SGCZ: variants seen among roughly 807,000 people sequenced by gnomAD.
SGCZ encodes sarcoglycan zeta.
Under a neutral mutation model 41.3 loss-of-function variants are expected in SGCZ, and 40 were observed. The ratio of observed to expected loss-of-function variants is 0.97; its 90% confidence interval spans 0.75 to 1.26. The LOEUF (loss-of-function observed/expected upper bound fraction) is 1.26, where lower values mean the gene tolerates loss of function less well. Ranked by LOEUF, SGCZ falls within the 50% of genes most tolerant of loss-of-function variation. The pLI is 0.00. For synonymous variants in SGCZ, 206 were observed against 137.5 expected (o/e 1.50, Z -3.49); for missense variants, 552 against 369.8 (o/e 1.49, Z -4.04).
chr8:14,530,653 G>T (rs1314206349), intron 2 of SGCZ, among the ~76,000 whole-genome samples: 6 of 149,932 alleles, frequency 4.0e-5, no homozygotes, highest in Non-Finnish European at 3.0e-5. Flanking sequence ...CCAGTTAAAT[G>T]ACTTCAGAAC....
chr8:15,064,573 G>T (rs1805055442), intron 1 of SGCZ, among the ~76,000 whole-genome samples: 1 of 148,464 alleles, frequency 6.7e-6, no homozygotes, highest in African/African-American at 2.5e-5. Context: ...CTGAGTTTCA[G>T]TGGAAGAACT....
intron 1 of SGCZ, among the ~76,000 whole-genome samples, chr8:14,637,513 T>C (rs977065452): frequency 6.6e-6 from 1 of 151,766 alleles, no homozygotes; most frequent in Non-Finnish European, 1.5e-5. Context: ...ATTGTTCCCA[T>C]CTTTACATCC....
chr8:14,713,844 A>G (rs1207422863), intron 1 of SGCZ, among the ~76,000 whole-genome samples: 1 of 152,146 alleles, frequency 6.6e-6, no homozygotes, highest in African/African-American at 2.4e-5. Context: ...AAAATAAAAC[A>G]TCCCTGACTT....
At chr8:14,112,559 C>G (rs1254541117) in intron 5 of SGCZ, among the ~76,000 whole-genome samples, 1 of 151,884 alleles carries the variant, frequency 6.6e-6, no homozygotes, top group Non-Finnish European at 1.5e-5. Context: ...GTCTTCCTAC[C>G]TTACTTTCTT....
At chr8:14,991,890 C>T (rs1225377510) in intron 1 of SGCZ, among the ~76,000 whole-genome samples, 1 of 151,658 alleles carries the variant, frequency 6.6e-6, no homozygotes, top group African/African-American at 2.4e-5. Context: ...TACCTCTCAT[C>T]CAATCTACTC....
chr8:14,670,062 T>C (rs1240043568), intron 1 of SGCZ, among the ~76,000 whole-genome samples: 1 of 152,196 alleles, frequency 6.6e-6, no homozygotes, highest in East Asian at 1.9e-4. Context: ...TGTCAAAAAA[T>C]CAAATCTATC....
At chr8:14,800,480 T>C (rs954113200) in intron 1 of SGCZ, among the ~76,000 whole-genome samples, 5 of 152,178 alleles carry the variant, frequency 3.3e-5, no homozygotes, top group African/African-American at 1.2e-4. Context: ...TTTGGCTGCA[T>C]ATCCACCCAA....
intron 1 of SGCZ, among the ~76,000 whole-genome samples, chr8:14,969,013 T>A (rs1292593574): frequency 6.6e-6 from 1 of 152,126 alleles, no homozygotes; most frequent in African/African-American, 2.4e-5. Context: ...AACATTTACA[T>A]CATTGTGCTA....
At chr8:14,262,781 C>A (rs1799718940) in intron 3 of SGCZ, among the ~76,000 whole-genome samples, 1 of 144,442 alleles carries the variant, frequency 6.9e-6, no homozygotes. Flanking sequence ...AATCATGATG[C>A]AAATCCCAGT....
intron 1 of SGCZ, among the ~76,000 whole-genome samples, chr8:14,942,132 C>T (rs895824480): frequency 1.3e-5 from 2 of 151,966 alleles, no homozygotes; most frequent in Non-Finnish European, 2.9e-5. Flanking sequence ...GACTAGTATG[C>T]ATTGTCTGGG....
At chr8:14,693,396 A>T (rs558591582) in intron 1 of SGCZ, among the ~76,000 whole-genome samples, 1 of 150,886 alleles carries the variant, frequency 6.6e-6, no homozygotes, top group Non-Finnish European at 1.5e-5. Flanking sequence ...GGTTCAAGCG[A>T]TTCTCCTGCC....
At position 15,157,935 on chromosome 8, in the gene SGCZ, C is replaced by T. The variant is rs533797821; in HGVS notation, c.39+79650G>A. Among the ~76,000 whole-genome samples the T allele has an allele frequency of 3.9e-5, 6 of 152,290 alleles. No homozygotes were observed. In the South Asian group the frequency reaches 1.0e-3, roughly 26 times the overall value. ...CCTCCTTCTCAGGCCCTCGGCCTTC[C>T]GCAGGTCCATTCCAGGGCCGCTCTT... On this transcript the variant is annotated intron_variant, in intron 1 of 7. Transcript: ENST00000382080.
At chr8:14,936,921 C>A (rs1800101708) in intron 1 of SGCZ, among the ~76,000 whole-genome samples, 1 of 151,702 alleles carries the variant, frequency 6.6e-6, no homozygotes, top group South Asian at 2.1e-4. Context: ...CTTTACTACA[C>A]TAAAGGCTTA....
At chr8:14,114,451 T>G (rs1802463691) in intron 5 of SGCZ, among the ~76,000 whole-genome samples, 1 of 151,950 alleles carries the variant, frequency 6.6e-6, no homozygotes, top group African/African-American at 2.4e-5. Flanking sequence ...AACACCATAT[T>G]GTTCATTTAG....
intron 7 of SGCZ, among the ~76,000 whole-genome samples, chr8:14,100,596 TTTA>T (rs1489065144): frequency 7.2e-6 from 1 of 138,616 alleles, no homozygotes; most frequent in Non-Finnish European, 1.6e-5. Context: ...TATATTATAT[TTTA>T]TTAATTTATA....
At chr8:14,741,809 A>C (rs1164154341) in intron 1 of SGCZ, among the ~76,000 whole-genome samples, 1 of 152,054 alleles carries the variant, frequency 6.6e-6, no homozygotes, top group Non-Finnish European at 1.5e-5. Context: ...ATAGATAGAC[A>C]ATTATGTCGG....
chr8:14,980,501 T>A (rs191630116), intron 1 of SGCZ, among the ~76,000 whole-genome samples: 16 of 152,262 alleles, frequency 1.1e-4, no homozygotes, highest in Admixed American at 8.5e-4. Context: ...CCGAGACTGG[T>A]CAATTTACAA....
At chr8:14,698,536 A>G (rs1809036352) in intron 1 of SGCZ, among the ~76,000 whole-genome samples, 1 of 151,970 alleles carries the variant, frequency 6.6e-6, no homozygotes, top group African/African-American at 2.4e-5. Flanking sequence ...AATTATAGAA[A>G]TTTAGCATGA....
intron 1 of SGCZ, among the ~76,000 whole-genome samples, chr8:15,007,767 T>C (rs1275835356): frequency 6.6e-6 from 1 of 152,212 alleles, no homozygotes; most frequent in African/African-American, 2.4e-5. Flanking sequence ...AAAATACTAA[T>C]TGAAATATAA....
Sources: allele counts gnomAD v4.1 joint callset (sites outside exome capture counted in the v4.1 genomes callset), GRCh38; gene constraint gnomAD v4.1.1; transcripts MANE v1.5; gene names NCBI Gene and HGNC (gene_info 2026-07-23, HGNC 2026-07-21).